Variants in ST18 observed in about 807,000 individuals in gnomAD.
ST18 encodes the protein suppression of tumorigenicity 18 protein.
In ST18, 50 loss-of-function variants were observed where a neutral mutation model predicts 110.0. That is an observed-to-expected ratio of 0.45 (90% confidence interval 0.36 to 0.58). ST18 has a LOEUF of 0.58. ST18 is among the 20% of genes least tolerant of loss of function. ST18 has a pLI of 0.00. For synonymous variants in ST18, 461 were observed against 452.4 expected, an observed-to-expected ratio of 1.02 and a Z score of -0.24; for missense variants, 1,306 against 1,280.1, an observed-to-expected ratio of 1.02 and a Z score of -0.31.
chr8:52,393,281 T>C (rs1256660137), intron 2 of ST18, among the ~76,000 whole-genome samples: 1 of 152,172 alleles, frequency 6.6e-6, no homozygotes, highest in African/African-American at 2.4e-5. Context: ...TTGGAAAACA[T>C]AGTCAGTGAT....
chr8:52,373,312 C>T (rs1022286908), intron 2 of ST18, among the ~76,000 whole-genome samples: 8 of 152,164 alleles, frequency 5.3e-5, no homozygotes, highest in African/African-American at 1.9e-4. Context: ...CACATACCAC[C>T]TCCAACTTAT....
chr8:52,183,001 T>C (rs1286569429), intron 8 of ST18, among the ~76,000 whole-genome samples: 1 of 152,170 alleles, frequency 6.6e-6, no homozygotes, highest in East Asian at 1.9e-4. Flanking sequence ...GTTAATATCA[T>C]CATCCAAATT....
intron 10 of ST18, among the ~76,000 whole-genome samples, chr8:52,167,813 G>A (rs374962585): frequency 7.9e-5 from 12 of 152,146 alleles, no homozygotes; most frequent in African/African-American, 2.4e-5. Context: ...GGGAGCAGCC[G>A]GTCATGGTAA....
chr8:52,258,229 C>T (rs1000982484), intron 2 of ST18, among the ~76,000 whole-genome samples: 5 of 152,050 alleles, frequency 3.3e-5, no homozygotes, highest in Non-Finnish European at 7.4e-5. Context: ...CAACTTTGTT[C>T]TTCTTTTCCA....
chr8:52,383,785 G>A (rs894509234), intron 2 of ST18, among the ~76,000 whole-genome samples: 1 of 146,724 alleles, frequency 6.8e-6, no homozygotes, highest in African/African-American at 2.5e-5. Flanking sequence ...ATCTCAGTTT[G>A]TTGCCCAGGC....
At chr8:52,153,966 A>G (rs2059408358) in intron 15 of ST18, among the ~76,000 whole-genome samples, 1 of 152,220 alleles carries the variant, frequency 6.6e-6, no homozygotes, top group African/African-American at 2.4e-5. Context: ...TGATAATCAT[A>G]ATAATTTGAC....
chr8:52,280,584 T>C (rs1425055094), intron 2 of ST18, among the ~76,000 whole-genome samples: 2 of 151,938 alleles, frequency 1.3e-5, no homozygotes, highest in Non-Finnish European at 2.9e-5. Flanking sequence ...TCAGGCAAAA[T>C]TGATTCAAAA....
chr8:52,170,199 T>C (rs186999913), intron 10 of ST18, among the ~76,000 whole-genome samples: 6 of 152,166 alleles, frequency 3.9e-5, no homozygotes, highest in Non-Finnish European at 5.9e-5. Flanking sequence ...AATGGAAAAA[T>C]GATCACACCT....
chr8:52,365,873 T>C (rs1036642427), intron 2 of ST18, among the ~76,000 whole-genome samples: 7 of 151,922 alleles, frequency 4.6e-5, no homozygotes, highest in Admixed American at 3.9e-4. Flanking sequence ...TAATTTTTTT[T>C]TTTTTTTGTA....
chr8:52,304,329 TAC>T (rs1029995530), intron 2 of ST18, among the ~76,000 whole-genome samples: 3 of 151,732 alleles, frequency 2.0e-5, no homozygotes, highest in Non-Finnish European at 2.9e-5. Flanking sequence ...TGTGAGTACA[TAC>T]ACACACACAC....
chr8:52,325,188 TGAG>T (rs1805731456), intron 2 of ST18, among the ~76,000 whole-genome samples: 1 of 151,978 alleles, frequency 6.6e-6, no homozygotes, highest in Non-Finnish European at 1.5e-5. Context: ...GAGCTGCTGA[TGAG>T]GGAGTGAATA....
intron 10 of ST18, among the ~76,000 whole-genome samples, chr8:52,168,388 C>T (rs909185166): frequency 1.3e-5 from 2 of 151,816 alleles, no homozygotes; most frequent in Admixed American, 6.6e-5. Flanking sequence ...GCCACTGTCA[C>T]GGGATGCGAC....
intron 5 of ST18, among the ~76,000 whole-genome samples, chr8:52,218,435 T>A (rs1219947360): frequency 6.6e-6 from 1 of 150,918 alleles, no homozygotes; most frequent in Non-Finnish European, 1.5e-5. Context: ...CAGGCTGGAG[T>A]GCAATGGCAT....
At chr8:52,350,724 C>CTT (rs111934110) in intron 2 of ST18, among the ~76,000 whole-genome samples, 42 of 144,164 alleles carry the variant, frequency 2.9e-4, no homozygotes, top group African/African-American at 1.0e-3. Context: ...TATATATATA[C>CTT]TTTTTTTTTT....
chr8:52,119,530 C>CTT (rs1331771357), intron 23 of ST18, among the ~76,000 whole-genome samples: 1 of 152,180 alleles, frequency 6.6e-6, no homozygotes, highest in Non-Finnish European at 1.5e-5. Flanking sequence ...AGGGTGACTA[C>CTT]TTTGGGAAAT....
At chr8:52,182,078 A>C (rs1288082700) in intron 8 of ST18, among the ~76,000 whole-genome samples, 1 of 152,200 alleles carries the variant, frequency 6.6e-6, no homozygotes, top group African/African-American at 2.4e-5. Context: ...TCATTAAGCC[A>C]TTATCATGAG....
chr8:52,384,710 G>A (rs1216416777), intron 2 of ST18, among the ~76,000 whole-genome samples: 2 of 151,746 alleles, frequency 1.3e-5, no homozygotes, highest in African/African-American at 4.8e-5. Context: ...GAGATGTCTC[G>A]GCTGCCTTTT....
chr8:52,212,762 C>G (rs1352869484), intron 7 of ST18, among the ~76,000 whole-genome samples: 1 of 152,076 alleles, frequency 6.6e-6, no homozygotes. Context: ...TCATGCCTCA[C>G]GAGAAACAGT....
intron 3 of ST18, 174 bp downstream of exon 3, chr8:52,229,858 C>T (rs2090785768): frequency 6.6e-6 from 1 of 152,192 alleles, no homozygotes; most frequent in Non-Finnish European, 1.5e-5. Context: ...CCTCAAAAAT[C>T]TATATGAACA....
Sources: gnomAD v4.1 joint callset for allele counts (sites outside exome capture counted in the v4.1 genomes callset) on GRCh38, gnomAD v4.1.1 for gene constraint, MANE v1.5 for transcripts, NCBI Gene and HGNC (gene_info 2026-07-23, HGNC 2026-07-21) for gene names.